The following NVL variants were observed in gnomAD, a reference collection of about 807,000 sequenced individuals.
The protein encoded by NVL is nuclear valosin-containing protein-like.
A neutral mutation model predicts 110.2 loss-of-function variants in NVL; 84 were observed. That is an observed-to-expected ratio of 0.76 (90% CI 0.64 to 0.91). The LOEUF (loss-of-function observed/expected upper bound fraction) is 0.91, where lower values mean the gene tolerates loss of function less well. NVL is among the 40% of genes least tolerant of loss of function. The pLI, the probability that NVL is intolerant of heterozygous loss-of-function variation, is 0.00. For synonymous variants in NVL, 354 were observed against 361.1 expected, an observed-to-expected ratio of 0.98 and a Z score of 0.22; for missense variants, 882 against 1,035.9, an observed-to-expected ratio of 0.85 and a Z score of 2.04.
chr1:224,311,967 A>T, intron 4 of NVL, 110 bp from the exon 5 acceptor site: 1 of 784,866 alleles, frequency 1.3e-6, no homozygotes, highest in East Asian at 2.6e-5. Flanking sequence ...GGTGGTTAAG[A>T]GTCCAAACTC....
At chr1:224,325,702 C>T (rs1007921497) in intron 2 of NVL, among the ~76,000 whole-genome samples, 13 of 152,212 alleles carry the variant, frequency 8.5e-5, no homozygotes, top group Non-Finnish European at 1.8e-4. Context: ...CATTGCACTC[C>T]AGCCTGGGCA....
chr1:224,254,637 ACTCCCAAC>A (rs1334856925), intron 18 of NVL, among the ~76,000 whole-genome samples: 28 of 146,416 alleles, frequency 1.9e-4, no homozygotes, highest in Admixed American at 1.8e-3. Flanking sequence ...CTGGTCTCGA[ACTCCCAAC>A]CTCAGGTGAT....
intron 22 of NVL, among the ~76,000 whole-genome samples, chr1:224,229,766 TG>T (rs1457804382): frequency 6.6e-6 from 1 of 152,192 alleles, no homozygotes; most frequent in East Asian, 1.9e-4. Flanking sequence ...TTTTAAATGT[TG>T]GGTGGCAATT....
intron 1 of NVL, among the ~76,000 whole-genome samples, chr1:224,327,127 C>T (rs946185857): frequency 2.6e-4 from 40 of 152,034 alleles, no homozygotes; most frequent in African/African-American, 7.7e-4. Context: ...GATAACAGAA[C>T]GAGACCTTAT....
chr1:224,316,149 G>A (rs994280254), intron 4 of NVL, among the ~76,000 whole-genome samples: 4 of 151,952 alleles, frequency 2.6e-5, no homozygotes, highest in Non-Finnish European at 5.9e-5. Flanking sequence ...ATTCCAGCCT[G>A]AGCAACAAAG....
At chr1:224,259,191 C>T (rs553956712) in intron 18 of NVL, among the ~76,000 whole-genome samples, 2 of 151,692 alleles carry the variant, frequency 1.3e-5, no homozygotes, top group African/African-American at 2.4e-5. Context: ...TAGGTTCAAG[C>T]GATTCTCCTG....
chr1:224,320,864 G>C (rs1294033218), intron 2 of NVL, among the ~76,000 whole-genome samples: 1 of 152,072 alleles, frequency 6.6e-6, no homozygotes, highest in African/African-American at 2.4e-5. Flanking sequence ...TGTTGTCTAA[G>C]CTCGTCTGGG....
chr1:224,264,665 T>C (rs1265765011), intron 18 of NVL, among the ~76,000 whole-genome samples: 2 of 152,190 alleles, frequency 1.3e-5, no homozygotes, highest in African/African-American at 4.8e-5. Context: ...ATCAAAACAA[T>C]GTCACGTGAT....
Position 224,233,287 on chromosome 1 carries a change from C to A in NVL, c.2369G>T (p.Gly790Val), listed in dbSNP as rs1476838416. ...TCGTACCAAAGCAGAGAGATCTGCGCCCCTACAATAAAATAATAGTTATCT... is the reference window on the plus strand; with the variant it reads ...TCGTACCAAAGCAGAGAGATCTGCGACCCTACAATAAAATAATAGTTATCT... ...AGDLRCDCYT[G>V]ADLSALVREA... Residue 790 changes from glycine to valine, a missense_variant and splice_region_variant, in exon 21 of 23, where the codon GGC (glycine) becomes GTC (valine). Transcript: ENST00000281701. 1 of 1,600,678 alleles carries A rather than the reference C, an allele frequency of 6.2e-7. No individual in the cohort carries two copies. The highest frequency in any genetic ancestry group is 8.5e-7 in the Non-Finnish European group (1 of 1,175,458).
chr1:224,294,459 C>A, intron 11 of NVL, 48 bp from the exon 12 acceptor site: 1 of 1,577,740 alleles, frequency 6.3e-7, no homozygotes. Context: ...TTGACACTGA[C>A]GGCAATAATG....
intron 2 of NVL, among the ~76,000 whole-genome samples, chr1:224,318,705 CA>C (rs1294167352): frequency 1.3e-5 from 2 of 151,876 alleles, no homozygotes; most frequent in Admixed American, 1.3e-4. Flanking sequence ...TATCTGCAGC[CA>C]GGTGCGGTGG....
intron 14 of NVL, 70 bp from the exon 15 acceptor site, chr1:224,286,200 G>T: frequency 1.9e-5 from 20 of 1,042,268 alleles, no homozygotes; most frequent in Non-Finnish European, 2.6e-5. Flanking sequence ...ATTATTTCCA[G>T]ATACATATTT....
chr1:224,253,970 C>T (rs992370438), intron 18 of NVL, among the ~76,000 whole-genome samples: 4 of 152,090 alleles, frequency 2.6e-5, no homozygotes, highest in Non-Finnish European at 5.9e-5. Flanking sequence ...CATGAGTTTG[C>T]CATTTGTACA....
At chr1:224,256,682 A>G (rs1247086904) in intron 18 of NVL, among the ~76,000 whole-genome samples, 36 of 152,200 alleles carry the variant, frequency 2.4e-4, no homozygotes. Flanking sequence ...GACTTAAACT[A>G]CACTTCACTA....
At chr1:224,238,418 G>A (rs1185899111) in intron 19 of NVL, among the ~76,000 whole-genome samples, 1 of 152,204 alleles carries the variant, frequency 6.6e-6, no homozygotes, top group Non-Finnish European at 1.5e-5. Context: ...GACTGGAGCT[G>A]CCGGCCTTGT....
chr1:224,284,909 G>T (rs756856077), intron 15 of NVL, among the ~76,000 whole-genome samples: 20 of 152,024 alleles, frequency 1.3e-4, no homozygotes, highest in Non-Finnish European at 2.8e-4. Flanking sequence ...CCTTTGACTG[G>T]AAAATTATTT....
In NVL at chr1:224,296,608, G is replaced by A; in HGVS notation, c.1073C>T (p.Pro358Leu). The change falls in exon 11 of 23, where the codon CCA becomes CTA. Residue 358 changes from proline to leucine, a missense_variant. By Grantham distance (98) the Pro-to-Leu change is moderately conservative. This residue lies in a region of NVL where 416 missense variants were observed against 499.3 expected (regional missense o/e 0.83). Coordinates refer to ENST00000281701, the MANE Select transcript of NVL (RefSeq NM_002533.4). ...ELFEQAVSNA[P>L]CIIFIDEIDA... ...AATTTCATCAATGAAAATGATACAT[G>A]GTGCATTTGACTAGAAATAAAAATA... 1 of 1,576,952 alleles carries A rather than the reference G, an allele frequency of 6.3e-7. No individual in the cohort carries two copies. Among genetic ancestry groups the A allele is most frequent in the Non-Finnish European group, 8.6e-7 (1 of 1,160,276 alleles).
chr1:224,307,408 A>C (rs1391972958), intron 6 of NVL, among the ~76,000 whole-genome samples: 1 of 152,186 alleles, frequency 6.6e-6, no homozygotes, highest in East Asian at 1.9e-4. Context: ...GGAGGGTTTT[A>C]AATAGAAGAA....
At chr1:224,243,768 T>G (rs999022431) in intron 19 of NVL, among the ~76,000 whole-genome samples, 2 of 150,730 alleles carry the variant, frequency 1.3e-5, no homozygotes, top group Non-Finnish European at 2.9e-5. Flanking sequence ...TTCAAGAGAT[T>G]CTCCTGCCTT....
Sources: gnomAD v4.1 joint callset for allele counts (sites outside exome capture counted in the v4.1 genomes callset) on GRCh38, gnomAD v4.1.1 for gene constraint, gnomAD v4.1.1 regional missense constraint, MANE v1.5 for transcripts, NCBI Gene and HGNC (gene_info 2026-07-23, HGNC 2026-07-21) for gene names.